The following RBFOX1 variants were observed in gnomAD, a reference collection of about 807,000 sequenced individuals.
RBFOX1 encodes the protein RNA binding fox-1 homolog 1.
RBFOX1 carries 8 observed loss-of-function variants against 57.7 expected under a neutral mutation model. The observed-to-expected ratio is 0.14, with a 90% CI of 0.08 to 0.25. The LOEUF (loss-of-function observed/expected upper bound fraction) is 0.25, where lower values mean the gene tolerates loss of function less well. RBFOX1 is among the 10% of genes least tolerant of loss of function. RBFOX1 has a pLI of 1.00. For missense variants in RBFOX1, 611 were observed against 548.5 expected (o/e 1.11, Z -1.14); for synonymous variants, 326 against 222.4 (o/e 1.47, Z -4.15).
At position 6,253,699 on chromosome 16, in the gene RBFOX1, G is replaced by GTGTGTGTGTGTGTA. The variant is rs71145205; in HGVS notation, c.-126-63295_-126-63294insGTGTGTGTGTGTAT. On this transcript the variant is annotated intron_variant, in intron 1 of 15. Coordinates refer to ENST00000550418, the MANE Select transcript of RBFOX1 (RefSeq NM_018723.4). ...CATGTGTGTGTGTGTGTGTGTGTGT[G>GTGTGTGTGTGTGTA]TATATATATATATATGTACCTATAC... Among the ~76,000 whole-genome samples the GTGTGTGTGTGTGTA allele has an allele frequency of 1.3e-3, 183 of 142,490 alleles. 2 individuals are homozygous for GTGTGTGTGTGTGTA. The highest frequency in any genetic ancestry group is 2.4e-3 in the Non-Finnish European group (157 of 65,350). 93.5% of individuals were successfully genotyped at this position (142,490 alleles called of 152,430 possible).
intron 4 of RBFOX1, among the ~76,000 whole-genome samples, chr16:7,266,566 C>T (rs539541495): frequency 2.0e-5 from 3 of 152,268 alleles, no homozygotes; most frequent in Admixed American, 6.5e-5. Flanking sequence ...TAAATCTAAT[C>T]ACCTCACCAA....
intron 3 of RBFOX1, among the ~76,000 whole-genome samples, chr16:7,012,657 T>C (rs1410349555): frequency 6.6e-6 from 1 of 152,224 alleles, no homozygotes; most frequent in Admixed American, 6.5e-5. Flanking sequence ...CTTTCTTTAT[T>C]ATGGGACAAT....
At chr16:5,657,703 T>G (rs866548246) in intron 3 of RBFOX1, among the ~76,000 whole-genome samples, 2 of 140,318 alleles carry the variant, frequency 1.4e-5, no homozygotes, top group African/African-American at 5.3e-5. Flanking sequence ...TTTCTCCTTC[T>G]GTCTTTCTCT....
chr16:7,367,482 C>A (rs1372169803), intron 4 of RBFOX1, among the ~76,000 whole-genome samples: 2 of 152,120 alleles, frequency 1.3e-5, no homozygotes, highest in Non-Finnish European at 2.9e-5. Context: ...GTGTACGTGG[C>A]CTCTCAGGAA....
intron 2 of RBFOX1, among the ~76,000 whole-genome samples, chr16:6,320,160 G>GT (rs1409296881): frequency 1.3e-5 from 2 of 152,124 alleles, no homozygotes; most frequent in African/African-American, 4.8e-5. Context: ...AAAAGATGGT[G>GT]TATTAGCTGT....
intron 3 of RBFOX1, chr16:6,721,684 C>T (rs763004723): frequency 2.0e-5 from 3 of 152,108 alleles, no homozygotes; most frequent in Non-Finnish European, 4.4e-5. Flanking sequence ...TAGAATCACA[C>T]AGCGTTTGTC....
intron 4 of RBFOX1, among the ~76,000 whole-genome samples, chr16:5,912,406 G>A (rs1567139017): frequency 6.6e-6 from 1 of 152,190 alleles, no homozygotes; most frequent in Admixed American, 6.5e-5. Flanking sequence ...ACTAATCAGA[G>A]ATTAGGAGTC....
intron 1 of RBFOX1, among the ~76,000 whole-genome samples, chr16:5,390,598 A>AT (rs1384137330): frequency 6.6e-6 from 1 of 152,022 alleles, no homozygotes; most frequent in African/African-American, 2.4e-5. Context: ...CTCATATATT[A>AT]TTTTTAAATG....
At chr16:6,159,138 G>A (rs542808185) in intron 1 of RBFOX1, among the ~76,000 whole-genome samples, 29 of 152,160 alleles carry the variant, frequency 1.9e-4, no homozygotes, top group African/African-American at 5.8e-4. Context: ...GTTCATTGGC[G>A]TGATCTCAGC....
At chr16:6,833,197 T>C (rs1603630183) in intron 3 of RBFOX1, among the ~76,000 whole-genome samples, 1 of 151,952 alleles carries the variant, frequency 6.6e-6, no homozygotes, top group East Asian at 1.9e-4. Context: ...ACGGGGTCTT[T>C]TTCTGTCACC....
intron 4 of RBFOX1, among the ~76,000 whole-genome samples, chr16:5,901,244 C>T (rs976537389): frequency 2.0e-5 from 3 of 152,172 alleles, no homozygotes; most frequent in African/African-American, 2.4e-5. Context: ...CCCCCGTTCA[C>T]GCGGTCTTTG....
At chr16:6,828,196 G>A (rs550314062) in intron 3 of RBFOX1, among the ~76,000 whole-genome samples, 43 of 152,214 alleles carry the variant, frequency 2.8e-4, no homozygotes, top group African/African-American at 8.2e-4. Flanking sequence ...TCCCTTGCCC[G>A]TAGAAGTGAG....
chr16:5,734,288 C>A (rs1359736151), intron 3 of RBFOX1, among the ~76,000 whole-genome samples: 1 of 151,898 alleles, frequency 6.6e-6, no homozygotes, highest in Non-Finnish European at 1.5e-5. Flanking sequence ...ACAGAGACCC[C>A]ACGTCTACAC....
intron 4 of RBFOX1, among the ~76,000 whole-genome samples, chr16:7,496,037 G>A (rs903954262): frequency 4.6e-5 from 7 of 152,180 alleles, no homozygotes; most frequent in African/African-American, 1.7e-4. Flanking sequence ...CCTACAGAAC[G>A]TGGTGTGGTG....
intron 4 of RBFOX1, among the ~76,000 whole-genome samples, chr16:7,470,072 C>A (rs2061291937): frequency 6.7e-6 from 1 of 148,784 alleles, no homozygotes; most frequent in Non-Finnish European, 1.5e-5. Flanking sequence ...GTGTATATAA[C>A]ACATGTTATC....
intron 2 of RBFOX1, among the ~76,000 whole-genome samples, chr16:5,473,553 G>A (rs945502823): frequency 5.9e-5 from 9 of 151,968 alleles, no homozygotes; most frequent in African/African-American, 1.9e-4. Context: ...GTGGATGGAT[G>A]GATGGATGGA....
chr16:6,362,229 T>C (rs1472819248), intron 2 of RBFOX1, among the ~76,000 whole-genome samples: 1 of 149,856 alleles, frequency 6.7e-6, no homozygotes, highest in African/African-American at 2.4e-5. Flanking sequence ...AATCGATGCA[T>C]ATCACATCTA....
At chr16:5,400,415 C>A (rs542913317) in intron 1 of RBFOX1, among the ~76,000 whole-genome samples, 1 of 152,180 alleles carries the variant, frequency 6.6e-6, no homozygotes, top group African/African-American at 2.4e-5. Flanking sequence ...TCTCTTTGTA[C>A]ATCTCTATGT....
intron 5 of RBFOX1, among the ~76,000 whole-genome samples, chr16:7,537,117 T>A (rs537076460): frequency 1.3e-5 from 2 of 152,330 alleles, no homozygotes; most frequent in African/African-American, 4.8e-5. Context: ...GGGAATGATC[T>A]GACCACCATG....
Sources: gnomAD v4.1 joint callset for allele counts (sites outside exome capture counted in the v4.1 genomes callset) on GRCh38, gnomAD v4.1.1 for gene constraint, MANE v1.5 for transcripts, NCBI Gene and HGNC (gene_info 2026-07-23, HGNC 2026-07-21) for gene names.